Variants in PRKCQ observed in about 807,000 individuals in gnomAD.
PRKCQ encodes protein kinase C theta type.
A neutral mutation model predicts 91.2 loss-of-function variants in PRKCQ; 41 were observed. The observed-to-expected ratio is 0.45, with a 90% CI of 0.35 to 0.58. The LOEUF (loss-of-function observed/expected upper bound fraction) is 0.58. Among genes scored for constraint, PRKCQ ranks in the 20% least tolerant of loss-of-function variants. The pLI, the probability that PRKCQ is intolerant of heterozygous loss-of-function variation, is 0.00. For synonymous variants in PRKCQ, 307 were observed against 316.9 expected (o/e 0.97, Z 0.33); for missense variants, 673 against 896.5 (o/e 0.75, Z 3.18).
intron 7 of PRKCQ, among the ~76,000 whole-genome samples, chr10:6,492,431 G>A (rs903866697): frequency 6.6e-5 from 10 of 152,124 alleles, no homozygotes; most frequent in African/African-American, 1.9e-4. Flanking sequence ...GATATCTCAC[G>A]TAATCCTCAG....
rs967973293 is a variant in PRKCQ at position 6,449,474 on chromosome 10, G to A, written c.1647+7200C>T. ...GTGTCTGATTGGTGTACCTGAAAGT[G>A]ACAGGGAGAATGGAACCAAGTTGGA... On this transcript the variant is annotated intron_variant, in intron 15 of 17. Transcript: ENST00000263125. Among the ~76,000 whole-genome samples the A allele has an allele frequency of 7.2e-5, 11 of 152,290 alleles. No individual in the cohort carries two copies. The East Asian group carries it at 2.1e-3, about 29-fold the overall frequency.
At chr10:6,402,889 A>G in the PRKCQ span, among the ~76,000 whole-genome samples, 1 of 152,222 alleles carries the variant, frequency 6.6e-6, no homozygotes, top group African/African-American at 2.4e-5. Context: ...TAGCCTGGGC[A>G]ACAGAATGAG....
the PRKCQ span, among the ~76,000 whole-genome samples, chr10:6,404,668 C>G: frequency 7.1e-6 from 1 of 140,516 alleles, no homozygotes; most frequent in Non-Finnish European, 1.5e-5. Context: ...CTTTTTCTTT[C>G]TCTCTTTCCT....
At chr10:6,573,750 A>C (rs938044134) in intron 1 of PRKCQ, among the ~76,000 whole-genome samples, 2 of 152,218 alleles carry the variant, frequency 1.3e-5, no homozygotes, top group Non-Finnish European at 2.9e-5. Flanking sequence ...GCAGTCCTTT[A>C]GGTGTTACAA....
chr10:6,462,005 A>G (rs953399992), intron 14 of PRKCQ, among the ~76,000 whole-genome samples: 3 of 152,230 alleles, frequency 2.0e-5, no homozygotes, highest in Non-Finnish European at 4.4e-5. Flanking sequence ...ACCGTAAGGT[A>G]TGATAAGAAA....
intron 16 of PRKCQ, among the ~76,000 whole-genome samples, chr10:6,440,992 GAAA>G (rs1202044192): frequency 6.6e-6 from 1 of 151,920 alleles, no homozygotes; most frequent in Non-Finnish European, 1.5e-5. Flanking sequence ...TCTCAAAAAA[GAAA>G]AAAGTTATGT....
intron 15 of PRKCQ, among the ~76,000 whole-genome samples, chr10:6,450,607 C>G (rs1834609704): frequency 6.6e-6 from 1 of 152,202 alleles, no homozygotes; most frequent in Non-Finnish European, 1.5e-5. Flanking sequence ...GAATTCTCCA[C>G]CCCAAAGCAA....
chr10:6,488,734 A>G (rs1837079632), intron 8 of PRKCQ, among the ~76,000 whole-genome samples: 1 of 152,158 alleles, frequency 6.6e-6, no homozygotes, highest in Non-Finnish European at 1.5e-5. Context: ...ATAGCCAGAA[A>G]AATTCACCTG....
chr10:6,540,400 TC>T (rs1282033673), intron 1 of PRKCQ, among the ~76,000 whole-genome samples: 12 of 152,130 alleles, frequency 7.9e-5, no homozygotes, highest in African/African-American at 2.9e-4. Context: ...TTCCTCCCAC[TC>T]ACCAGCCCCT....
At position 6,564,068 on chromosome 10, in the gene PRKCQ, C is replaced by A. The variant is rs182289113; in HGVS notation, c.-10+16143G>T. Among the ~76,000 whole-genome samples, 11 of 152,234 alleles carry A rather than the reference C, an allele frequency of 7.2e-5. No individual in the cohort carries two copies. The East Asian group carries it at 1.9e-3, about 27-fold the overall frequency. On this transcript the variant is annotated intron_variant, in intron 1 of 17. Coordinates refer to ENST00000263125, the MANE Select transcript of PRKCQ (RefSeq NM_006257.5). Reference sequence around the variant, plus strand: ...AATGCAAGAGGCTTCTGGGGAGCTACGAGGTGCTCAAGGACCCAAGGGAAA... The same window carrying A: ...AATGCAAGAGGCTTCTGGGGAGCTAAGAGGTGCTCAAGGACCCAAGGGAAA...
the PRKCQ span, among the ~76,000 whole-genome samples, chr10:6,410,616 T>C: frequency 2.0e-5 from 3 of 152,208 alleles, no homozygotes; most frequent in Non-Finnish European, 4.4e-5. Flanking sequence ...GTGGGCATGA[T>C]TGGCATTTAG....
chr10:6,462,281 G>A (rs1835391887), intron 14 of PRKCQ, 22 bp downstream of exon 14: 6 of 1,601,840 alleles, frequency 3.7e-6, no homozygotes, highest in African/African-American at 2.7e-5. Flanking sequence ...CTTAGCATTT[G>A]TTTCCACAAA....
chr10:6,425,706 G>A (rs920763584), downstream of PRKCQ, among the ~76,000 whole-genome samples: 1 of 152,174 alleles, frequency 6.6e-6, no homozygotes, highest in Non-Finnish European at 1.5e-5. Context: ...TGTAATCCCA[G>A]CACTTTGGTA....
the PRKCQ span, among the ~76,000 whole-genome samples, chr10:6,420,183 T>G: frequency 1.3e-5 from 2 of 152,124 alleles, no homozygotes; most frequent in Non-Finnish European, 2.9e-5. Flanking sequence ...GAGATGGGGT[T>G]TCACCATATT....
intron 7 of PRKCQ, among the ~76,000 whole-genome samples, chr10:6,494,639 G>C (rs1362434440): frequency 6.6e-6 from 1 of 152,156 alleles, no homozygotes; most frequent in East Asian, 1.9e-4. Flanking sequence ...TCTGGGTGTA[G>C]GAGGAGCGGT....
At chr10:6,524,881 G>A (rs1451835160) in intron 1 of PRKCQ, among the ~76,000 whole-genome samples, 1 of 152,160 alleles carries the variant, frequency 6.6e-6, no homozygotes. Context: ...GCTGCAGCGG[G>A]CAGGCTCTCA....
chr10:6,481,735 T>C (rs546357823), intron 11 of PRKCQ, among the ~76,000 whole-genome samples: 1 of 152,324 alleles, frequency 6.6e-6, no homozygotes, highest in African/African-American at 2.4e-5. Flanking sequence ...GGTGAGCAGT[T>C]GTGGTGTATA....
chr10:6,479,767 TAAAAAAA>T (rs34610362), intron 11 of PRKCQ, among the ~76,000 whole-genome samples: 7 of 38,988 alleles, frequency 1.8e-4, no homozygotes, highest in African/African-American at 4.5e-4. Flanking sequence ...CCGTCTCGAC[TAAAAAAA>T]AAAAAAAAAA....
intron 2 of PRKCQ, among the ~76,000 whole-genome samples, chr10:6,512,669 C>T (rs966758349): frequency 3.3e-5 from 5 of 152,130 alleles, no homozygotes; most frequent in African/African-American, 1.2e-4. Flanking sequence ...AAATAAAGCC[C>T]TTCTAACTTT....
Sources: allele counts gnomAD v4.1 joint callset (sites outside exome capture counted in the v4.1 genomes callset), GRCh38; gene constraint gnomAD v4.1.1; transcripts MANE v1.5; gene names NCBI Gene and HGNC (gene_info 2026-07-23, HGNC 2026-07-21).